Variants in PCTP observed in about 807,000 individuals in gnomAD.
The protein encoded by PCTP is phosphatidylcholine transfer protein.
In PCTP, 27 loss-of-function variants were observed where a neutral mutation model predicts 31.0. That is an observed-to-expected ratio of 0.87 (90% CI 0.64 to 1.20). The LOEUF is 1.20. Ranked by LOEUF, PCTP falls within the 50% of genes most tolerant of loss-of-function variation. The pLI is 0.00. For missense variants in PCTP, 287 were observed against 268.2 expected (o/e 1.07, Z -0.49); for synonymous variants, 108 against 101.2 (o/e 1.07, Z -0.40).
chr17:55,803,315 C>T (rs1598007569), intron 3 of PCTP, among the ~76,000 whole-genome samples: 1 of 152,224 alleles, frequency 6.6e-6, no homozygotes, highest in East Asian at 1.9e-4. Context: ...ATGCTATCTC[C>T]ATCAAGCTAC....
chr17:55,785,330 C>G (rs1006752817), intron 2 of PCTP, among the ~76,000 whole-genome samples: 5 of 152,238 alleles, frequency 3.3e-5, no homozygotes, highest in African/African-American at 1.2e-4. Flanking sequence ...ATCCTTCCAA[C>G]AGCCTCCTGA....
At chr17:55,783,402 T>C (rs1342280375) in intron 2 of PCTP, among the ~76,000 whole-genome samples, 5 of 152,092 alleles carry the variant, frequency 3.3e-5, no homozygotes, top group African/African-American at 7.2e-5. Flanking sequence ...CATGGACAGA[T>C]ATGGGGAGGG....
intron 3 of PCTP, among the ~76,000 whole-genome samples, chr17:55,818,787 C>T (rs1303301312): frequency 1.3e-5 from 2 of 151,886 alleles, no homozygotes; most frequent in African/African-American, 4.8e-5. Flanking sequence ...TGACAGGAAG[C>T]CACAGACCCC....
At chr17:55,813,030 G>T (rs1455335117) in intron 3 of PCTP, among the ~76,000 whole-genome samples, 1 of 152,150 alleles carries the variant, frequency 6.6e-6, no homozygotes, top group African/African-American at 2.4e-5. Context: ...GAACAGAACT[G>T]AACTCAGTTC....
intron 1 of PCTP, among the ~76,000 whole-genome samples, chr17:55,759,997 TG>T (rs1011774463): frequency 6.6e-5 from 10 of 152,342 alleles, no homozygotes; most frequent in Admixed American, 2.0e-4. Context: ...ATTGCACAGA[TG>T]TTTTTTTTCA....
At chr17:55,767,312 T>C in intron 1 of PCTP, 23 bp from the exon 2 acceptor site, 1 of 1,453,444 alleles carries the variant, frequency 6.9e-7, no homozygotes, top group Non-Finnish European at 9.6e-7. Flanking sequence ...CAATAGACAT[T>C]TCTACCTGTT....
intron 3 of PCTP, among the ~76,000 whole-genome samples, chr17:55,795,559 C>T (rs1212877205): frequency 2.0e-5 from 3 of 152,046 alleles, no homozygotes; most frequent in Non-Finnish European, 4.4e-5. Flanking sequence ...ACAGTTTCTT[C>T]ACCCATGGAA....
intron 3 of PCTP, among the ~76,000 whole-genome samples, chr17:55,815,950 T>C (rs557123065): frequency 3.3e-5 from 5 of 152,306 alleles, no homozygotes; most frequent in African/African-American, 1.2e-4. Context: ...CTACAAAGTC[T>C]AATGGAAGTT....
chr17:55,791,038 AAAAC>A (rs1911950581), intron 3 of PCTP, among the ~76,000 whole-genome samples: 1 of 151,426 alleles, frequency 6.6e-6, no homozygotes, highest in Admixed American at 6.6e-5. Context: ...AAACCTGAGA[AAAAC>A]AAGCAATGGG....
chr17:55,757,855 A>G (rs924992449), intron 1 of PCTP, among the ~76,000 whole-genome samples: 3 of 152,164 alleles, frequency 2.0e-5, no homozygotes, highest in Admixed American at 1.3e-4. Context: ...TGCAATGGAA[A>G]TTGAAAGATG....
chr17:55,845,778 G>T (rs1244435637), downstream of PCTP, among the ~76,000 whole-genome samples: 6 of 151,656 alleles, frequency 4.0e-5, no homozygotes, highest in Non-Finnish European at 8.8e-5. Flanking sequence ...CCCTGGCTCC[G>T]CACCAGCCCA....
chr17:55,813,543 G>A (rs1012018871), intron 3 of PCTP, among the ~76,000 whole-genome samples: 1 of 152,150 alleles, frequency 6.6e-6, no homozygotes, highest in African/African-American at 2.4e-5. Context: ...TCGAACTCCT[G>A]ATCTCAGGTG....
downstream of PCTP, among the ~76,000 whole-genome samples, chr17:55,778,745 C>G (rs912582780): frequency 6.6e-6 from 1 of 152,094 alleles, no homozygotes; most frequent in Admixed American, 6.6e-5. Flanking sequence ...AGAAATGGCA[C>G]AGTTTGAATT....
chr17:55,761,686 C>G (rs1016222653), intron 1 of PCTP, among the ~76,000 whole-genome samples: 3 of 150,666 alleles, frequency 2.0e-5, no homozygotes, highest in African/African-American at 7.3e-5. Flanking sequence ...CTTTTTATAA[C>G]ATGGCATGTA....
intron 3 of PCTP, among the ~76,000 whole-genome samples, chr17:55,790,737 A>C (rs2145004288): frequency 6.7e-6 from 1 of 149,976 alleles, no homozygotes; most frequent in East Asian, 1.9e-4. Flanking sequence ...GCCCAAGGTA[A>C]TTTACAGATT....
At chr17:55,787,288 A>C (rs755180283) in intron 2 of PCTP, among the ~76,000 whole-genome samples, 1 of 151,304 alleles carries the variant, frequency 6.6e-6, no homozygotes, top group South Asian at 2.1e-4. Context: ...ATTCTTATGA[A>C]TGTATTTATA....
intron 1 of PCTP, among the ~76,000 whole-genome samples, chr17:55,758,647 C>G (rs1597972902): frequency 1.3e-5 from 2 of 152,184 alleles, no homozygotes; most frequent in Non-Finnish European, 2.9e-5. Context: ...GTGGGCAGAG[C>G]CACCATGTCT....
At chr17:55,848,457 C>T in the PCTP span, among the ~76,000 whole-genome samples, 1 of 152,080 alleles carries the variant, frequency 6.6e-6, no homozygotes, top group South Asian at 2.1e-4. Flanking sequence ...CTTACTAGGT[C>T]CAGAGGAACC....
At chr17:55,756,686 T>G (rs1411131866) in intron 1 of PCTP, among the ~76,000 whole-genome samples, 1 of 150,992 alleles carries the variant, frequency 6.6e-6, no homozygotes, top group Non-Finnish European at 1.5e-5. Context: ...TAAAACCGTT[T>G]TATACACGTG....
Sources: allele counts gnomAD v4.1 joint callset (sites outside exome capture counted in the v4.1 genomes callset), GRCh38; gene constraint gnomAD v4.1.1; transcripts MANE v1.5; gene names NCBI Gene and HGNC (gene_info 2026-07-23, HGNC 2026-07-21).